The following SPPL3 variants were observed in gnomAD, a reference collection of about 807,000 sequenced individuals.
SPPL3 encodes the protein signal peptide peptidase-like 3.
In SPPL3, 5 loss-of-function variants were observed where a neutral mutation model predicts 42.4. The ratio of observed to expected loss-of-function variants is 0.12; its 90% confidence interval spans 0.06 to 0.25. SPPL3 has a LOEUF of 0.25. SPPL3 is among the 10% of genes least tolerant of loss of function. The probability of loss-of-function intolerance (pLI) is 1.00; values close to 1 mark genes in which losing one functional copy is unlikely to be tolerated. For synonymous variants in SPPL3, 195 were observed against 181.8 expected (o/e 1.07, Z -0.58); for missense variants, 235 against 489.0 (o/e 0.48, Z 4.90).
At chr12:120,784,857 G>C (rs1310720417) in intron 3 of SPPL3, among the ~76,000 whole-genome samples, 1 of 140,676 alleles carries the variant, frequency 7.1e-6, no homozygotes, top group African/African-American at 2.7e-5. Context: ...CTGGATGACA[G>C]GATCCAAACC....
intron 1 of SPPL3, among the ~76,000 whole-genome samples, chr12:120,817,557 T>C (rs1165973073): frequency 6.6e-6 from 1 of 152,222 alleles, no homozygotes; most frequent in Non-Finnish European, 1.5e-5. Flanking sequence ...CATCTTACCC[T>C]GGGTAGCAAC....
intron 1 of SPPL3, among the ~76,000 whole-genome samples, chr12:120,814,873 C>A (rs1020060815): frequency 6.6e-6 from 1 of 152,146 alleles, no homozygotes; most frequent in Non-Finnish European, 1.5e-5. Flanking sequence ...CCCCCTTTTA[C>A]AATATAGCCT....
chr12:120,888,680 C>G (rs1873540243), intron 1 of SPPL3, among the ~76,000 whole-genome samples: 1 of 152,114 alleles, frequency 6.6e-6, no homozygotes, highest in African/African-American at 2.4e-5. Flanking sequence ...CTAATATGTA[C>G]AGTTTCTTTT....
intron 1 of SPPL3, among the ~76,000 whole-genome samples, chr12:120,897,417 A>G (rs2137071423): frequency 6.6e-6 from 1 of 152,308 alleles, no homozygotes; most frequent in East Asian, 1.9e-4. Flanking sequence ...TATAGGCAAA[A>G]TATGTTTTTA....
At chr12:120,881,325 T>C (rs666976) in intron 1 of SPPL3, among the ~76,000 whole-genome samples, 72,335 of 150,032 alleles carry the variant, frequency 0.48, 17,689 homozygotes, top group East Asian at 0.56. Flanking sequence ...AAAAATTAGC[T>C]GGGCGTGTTG....
intron 2 of SPPL3, among the ~76,000 whole-genome samples, chr12:120,806,681 T>C (rs953265185): frequency 2.0e-5 from 3 of 151,868 alleles, no homozygotes; most frequent in Admixed American, 6.6e-5. Flanking sequence ...ACCACGTCTC[T>C]ACTAAAAAAT....
intron 1 of SPPL3, among the ~76,000 whole-genome samples, chr12:120,833,887 G>A (rs1166894364): frequency 2.0e-5 from 3 of 151,780 alleles, no homozygotes; most frequent in African/African-American, 7.3e-5. Context: ...CTCTAAATGC[G>A]GGGCTACAGC....
intron 2 of SPPL3, among the ~76,000 whole-genome samples, chr12:120,796,262 G>A (rs572262715): frequency 1.2e-4 from 18 of 152,250 alleles, no homozygotes; most frequent in African/African-American, 3.6e-4. Context: ...TATAGTCCCA[G>A]CTACTTGGGA....
At chr12:120,887,294 G>GT (rs1188226758) in intron 1 of SPPL3, among the ~76,000 whole-genome samples, 1 of 152,104 alleles carries the variant, frequency 6.6e-6, no homozygotes, top group Non-Finnish European at 1.5e-5. Context: ...GTGGCTACCA[G>GT]AAAACTTTAC....
chr12:120,779,742 A>G (rs1253744861), intron 6 of SPPL3, among the ~76,000 whole-genome samples: 4 of 140,190 alleles, frequency 2.9e-5, no homozygotes, highest in Non-Finnish European at 4.5e-5. Flanking sequence ...TGGGAGGCTG[A>G]GGCGGGTGGA....
intron 7 of SPPL3, 55 bp from the exon 8 acceptor site, chr12:120,768,543 A>G: frequency 1.9e-6 from 3 of 1,555,078 alleles, no homozygotes; most frequent in Admixed American, 1.8e-5. Flanking sequence ...ACCTGCTTTC[A>G]GCATCAGCCC....
intron 10 of SPPL3, 87 bp from the exon 11 acceptor site, chr12:120,765,157 TC>T: frequency 1.5e-6 from 2 of 1,331,294 alleles, no homozygotes; most frequent in Non-Finnish European, 1.0e-6. Flanking sequence ...AAATTTTTTT[TC>T]CAGGTATGAA....
intron 1 of SPPL3, among the ~76,000 whole-genome samples, chr12:120,833,441 T>C (rs200792875): frequency 1.3e-5 from 2 of 151,858 alleles, no homozygotes; most frequent in Non-Finnish European, 2.9e-5. Context: ...TTTTAACAAA[T>C]AGGATGGAGA....
chr12:120,797,304 CGTCTCTTT>C (rs1166800059), intron 2 of SPPL3, among the ~76,000 whole-genome samples: 1 of 150,756 alleles, frequency 6.6e-6, no homozygotes, highest in Non-Finnish European at 1.5e-5. Context: ...TGCCTCTAGC[CGTCTCTTT>C]GGACTCTCAG....
At chr12:120,834,278 C>T (rs1871533577) in intron 1 of SPPL3, among the ~76,000 whole-genome samples, 1 of 152,196 alleles carries the variant, frequency 6.6e-6, no homozygotes, top group Non-Finnish European at 1.5e-5. Flanking sequence ...CAATCATGTG[C>T]TAACCAGTTC....
At chr12:120,902,956 C>G (rs1874030086) in intron 1 of SPPL3, among the ~76,000 whole-genome samples, 1 of 152,160 alleles carries the variant, frequency 6.6e-6, no homozygotes, top group African/African-American at 2.4e-5. Context: ...TCCCCCAAAC[C>G]CTGGCACTCC....
In SPPL3 at chr12:120,882,335, T is replaced by C. The variant is rs548791175; in HGVS notation, c.23+21510A>G. 7.2e-5 allele frequency among the ~76,000 whole-genome samples: 11 copies of C among 152,212 alleles called. No individual in the cohort carries two copies. The South Asian group carries it at 2.3e-3, about 32-fold the overall frequency. ...TGGGAAGATTAAAAAGTTCTGGAAA[T>C]GGATGGTGGTGAAGGTTGCACAATA... On this transcript the variant is annotated intron_variant, in intron 1 of 10. Coordinates refer to ENST00000353487, the MANE Select transcript of SPPL3 (RefSeq NM_139015.5).
At chr12:120,875,856 CAT>C (rs1873070638) in intron 1 of SPPL3, among the ~76,000 whole-genome samples, 1 of 151,968 alleles carries the variant, frequency 6.6e-6, no homozygotes, top group African/African-American at 2.4e-5. Flanking sequence ...GTATAAGAAA[CAT>C]AGTTTAAATA....
intron 1 of SPPL3, among the ~76,000 whole-genome samples, chr12:120,828,794 T>C (rs1248240859): frequency 6.6e-6 from 1 of 152,232 alleles, no homozygotes; most frequent in Non-Finnish European, 1.5e-5. Flanking sequence ...TCTTGCTCTG[T>C]TGCCTAGGCT....
Sources: allele counts gnomAD v4.1 joint callset (sites outside exome capture counted in the v4.1 genomes callset), GRCh38; gene constraint gnomAD v4.1.1; transcripts MANE v1.5; gene names NCBI Gene and HGNC (gene_info 2026-07-23, HGNC 2026-07-21).